SH2D4A: variants seen among roughly 807,000 people sequenced by gnomAD.
SH2D4A encodes the protein SH2 domain-containing protein 4A.
Under a neutral mutation model 64.7 loss-of-function variants are expected in SH2D4A, and 70 were observed. The ratio of observed to expected loss-of-function variants is 1.08; its 90% CI spans 0.89 to 1.32. The LOEUF is 1.32. Ranked by LOEUF, SH2D4A falls within the 40% of genes most tolerant of loss-of-function variation. The probability of loss-of-function intolerance (pLI) is 0.00; values close to 1 mark genes in which losing one functional copy is unlikely to be tolerated. For synonymous variants in SH2D4A, 268 were observed against 200.7 expected, an observed-to-expected ratio of 1.34 and a Z score of -2.83; for missense variants, 706 against 540.1, an observed-to-expected ratio of 1.31 and a Z score of -3.04.
intron 7 of SH2D4A, 77 bp from the exon 8 acceptor site, chr8:19,373,453 T>TAG (rs1425288125): frequency 1.1e-6 from 1 of 936,908 alleles, no homozygotes; most frequent in Non-Finnish European, 1.5e-6. Flanking sequence ...TGTATATATA[T>TAG]ATATATATAT....
intron 1 of SH2D4A, among the ~76,000 whole-genome samples, chr8:19,317,224 G>C (rs2052103673): frequency 6.6e-6 from 1 of 151,174 alleles, no homozygotes; most frequent in South Asian, 2.1e-4. Context: ...CTTGGAGCTT[G>C]TGGATTTCAT....
chr8:19,392,422 T>G (rs2053507350), intron 8 of SH2D4A, among the ~76,000 whole-genome samples: 1 of 152,192 alleles, frequency 6.6e-6, no homozygotes, highest in African/African-American at 2.4e-5. Flanking sequence ...AGTGTGGGGC[T>G]GTTCTGTGTC....
chr8:19,319,452 G>C lies in SH2D4A; in HGVS notation c.-96G>C. On this transcript the variant is annotated 5_prime_UTR_variant, in exon 2 of 10. Coordinates refer to ENST00000265807, the MANE Select transcript of SH2D4A (RefSeq NM_022071.4). ...GATTGTGAGCTGTTTGGGAAGTTTC[G>C]TGGAAACGCCCAAGTGCCAGCACAG... 3.0e-6 allele frequency: 4 copies of C among 1,343,806 alleles called. No individual in the cohort carries two copies. The highest frequency in any genetic ancestry group is 3.8e-6 in the Non-Finnish European group (4 of 1,043,122). 83.2% of individuals were successfully genotyped at this position (1,343,806 alleles called of 1,614,324 possible).
At chr8:19,394,449 G>A (rs747442516) in intron 9 of SH2D4A, 101 bp from the exon 10 acceptor site, 1 of 735,768 alleles carries the variant, frequency 1.4e-6, no homozygotes, top group Non-Finnish European at 2.1e-6. Context: ...CAAAAGCTTT[G>A]TGTAAATCAT....
At chr8:19,316,801 C>T (rs138686272) in intron 1 of SH2D4A, among the ~76,000 whole-genome samples, 14 of 152,348 alleles carry the variant, frequency 9.2e-5, no homozygotes, top group African/African-American at 2.9e-4. Context: ...CTGCCCGGCT[C>T]TGCCGCTTAC....
chr8:19,362,477 C>A (rs145990847), intron 6 of SH2D4A, among the ~76,000 whole-genome samples: 2 of 152,338 alleles, frequency 1.3e-5, no homozygotes, highest in East Asian at 3.9e-4. Context: ...CTGTGTCTCA[C>A]TCCTGTAATC....
chr8:19,377,294 A>G (rs575725629), intron 8 of SH2D4A, among the ~76,000 whole-genome samples: 136 of 152,350 alleles, frequency 8.9e-4, no homozygotes, highest in African/African-American at 3.1e-3. Context: ...AGGCAGGAGA[A>G]TTGCTTGAAC....
At chr8:19,314,483 C>T (rs922810782) in intron 1 of SH2D4A, among the ~76,000 whole-genome samples, 3 of 152,084 alleles carry the variant, frequency 2.0e-5, no homozygotes, top group African/African-American at 7.2e-5. Flanking sequence ...GACCGGGTGC[C>T]CAGTGCGCTC....
chr8:19,334,694 A>C lies in SH2D4A; in HGVS notation c.350A>C (p.His117Pro), dbSNP rs1302770433. 19 of 1,596,950 alleles carry C rather than the reference A, an allele frequency of 1.2e-5. No individual in the cohort carries two copies. The highest frequency in any genetic ancestry group is 1.6e-5 in the Non-Finnish European group (19 of 1,175,030). ...CTTTTGCCTCTCTTCAGAAAAACTC[A>C]CTCTGAAGAATTCACCAATAGCTTG... ...EQEAEEPRKT[H>P]SEEFTNSLKT... Residue 117 changes from histidine to proline, a missense_variant, in exon 4 of 10, where the codon CAC becomes CCC. Transcript: ENST00000265807.
At chr8:19,322,862 A>G (rs1189673040) in intron 2 of SH2D4A, among the ~76,000 whole-genome samples, 2 of 151,910 alleles carry the variant, frequency 1.3e-5, no homozygotes, top group Admixed American at 1.3e-4. Context: ...TTCAGTAGAG[A>G]CAGGGTTTCA....
At chr8:19,388,545 T>C (rs189293527) in intron 8 of SH2D4A, among the ~76,000 whole-genome samples, 2 of 152,288 alleles carry the variant, frequency 1.3e-5, no homozygotes, top group African/African-American at 4.8e-5. Context: ...TATATCTATG[T>C]AGGGTTGCGG....
At chr8:19,382,959 G>A (rs2053323015) in intron 8 of SH2D4A, among the ~76,000 whole-genome samples, 1 of 149,044 alleles carries the variant, frequency 6.7e-6, no homozygotes, top group Non-Finnish European at 1.5e-5. Context: ...GCCCTGTCAA[G>A]TAGTTGGGAC....
chr8:19,381,285 A>C (rs1443823363), intron 8 of SH2D4A, among the ~76,000 whole-genome samples: 1 of 152,138 alleles, frequency 6.6e-6, no homozygotes, highest in Non-Finnish European at 1.5e-5. Flanking sequence ...CCTGACCTCA[A>C]GTGATCCACC....
chr8:19,337,151 C>T (rs1273110225), intron 4 of SH2D4A, among the ~76,000 whole-genome samples: 1 of 152,016 alleles, frequency 6.6e-6, no homozygotes, highest in Non-Finnish European at 1.5e-5. Flanking sequence ...TTTTATATTC[C>T]TGCTTTTTAT....
chr8:19,392,531 C>G (rs564654334), intron 8 of SH2D4A, among the ~76,000 whole-genome samples: 1 of 152,204 alleles, frequency 6.6e-6, no homozygotes, highest in South Asian at 2.1e-4. Context: ...TGGTTGAGAA[C>G]CACTGTCCTA....
chr8:19,314,071 G>T (rs955513164), intron 1 of SH2D4A: 98 of 1,200,504 alleles, frequency 8.2e-5, no homozygotes, highest in Non-Finnish European at 9.7e-5. Context: ...GTCTGGAGCC[G>T]CTGGCTAGGT....
At chr8:19,360,541 G>A (rs1206975251) in intron 5 of SH2D4A, among the ~76,000 whole-genome samples, 1 of 152,120 alleles carries the variant, frequency 6.6e-6, no homozygotes, top group African/African-American at 2.4e-5. Flanking sequence ...TTGAACCTGG[G>A]AGGCAGAGGT....
rs570999524 is a variant in SH2D4A at position 19,349,650 on chromosome 8, A to T, written c.514-7553A>T. On this transcript the variant is annotated intron_variant, in intron 4 of 9. Coordinates refer to ENST00000265807, the MANE Select transcript of SH2D4A (RefSeq NM_022071.4). ...TCCCAATCCATAAAATGGACATTAA[A>T]GTAGCTACATGCCATTGGGTTAATG... Among the ~76,000 whole-genome samples the T allele has an allele frequency of 2.0e-5, 3 of 152,360 alleles. No individual in the cohort carries two copies. The South Asian group carries it at 6.2e-4, about 32-fold the overall frequency.
intron 8 of SH2D4A, among the ~76,000 whole-genome samples, chr8:19,379,661 AT>A (rs1389125296): frequency 6.6e-6 from 1 of 152,098 alleles, no homozygotes; most frequent in Non-Finnish European, 1.5e-5. Flanking sequence ...TGCCATACTA[AT>A]TTTACCTTCC....
Sources: gnomAD v4.1 joint callset for allele counts (sites outside exome capture counted in the v4.1 genomes callset) on GRCh38, gnomAD v4.1.1 for gene constraint, MANE v1.5 for transcripts, NCBI Gene and HGNC (gene_info 2026-07-23, HGNC 2026-07-21) for gene names.